Variants in SCARA5 observed in about 807,000 individuals in gnomAD.
The protein encoded by SCARA5 is scavenger receptor class A, member 5 (putative).
A neutral mutation model predicts 46.3 loss-of-function variants in SCARA5; 45 were observed. The observed-to-expected ratio is 0.97, with a 90% CI of 0.76 to 1.24. The LOEUF is 1.24. Ranked by LOEUF, SCARA5 falls within the 50% of genes most tolerant of loss-of-function variation. The pLI is 0.00. For synonymous variants in SCARA5, 333 were observed against 306.5 expected (o/e 1.09, Z -0.90); for missense variants, 680 against 689.0 (o/e 0.99, Z 0.15).
At chr8:27,938,218 G>A (rs1223288807) in intron 3 of SCARA5, among the ~76,000 whole-genome samples, 1 of 152,208 alleles carries the variant, frequency 6.6e-6, no homozygotes, top group Admixed American at 6.5e-5. Flanking sequence ...GCTAACACAC[G>A]TGCAGGGTCT....
At chr8:27,949,778 C>T (rs1045465915) in intron 3 of SCARA5, among the ~76,000 whole-genome samples, 7 of 152,310 alleles carry the variant, frequency 4.6e-5, no homozygotes, top group African/African-American at 1.7e-4. Context: ...CTGAGTCCTC[C>T]CCTACAGCCT....
intron 3 of SCARA5, 138 bp from the exon 4 acceptor site, chr8:27,922,383 TGAGCGC>T: frequency 3.4e-6 from 2 of 591,236 alleles, no homozygotes; most frequent in Non-Finnish European, 5.6e-6. Context: ...GGTGGTGTGC[TGAGCGC>T]TTTACTAGAT....
Position 27,921,618 on chromosome 8 carries a change from T to C in SCARA5, c.869A>G (p.Lys290Arg). ...CAGTGCGATGGAGTGCTCCCAGTCC[T>C]TGAGGCGCAGGTCCTCGGTGACCGC... ...LNAVTEDLRL[K>R]DWEHSIALRN... Residue 290 changes from lysine (K) to arginine (R), a missense_variant, in exon 4 of 9, where the codon AAG (lysine) becomes AGG (arginine). Transcript: ENST00000354914. 2 of 1,595,310 alleles carry C rather than the reference T, an allele frequency of 1.3e-6. No homozygotes were observed. Among genetic ancestry groups the C allele is most frequent in the Non-Finnish European group, 1.7e-6 (2 of 1,169,372 alleles).
chr8:27,938,287 A>G (rs114598258), intron 3 of SCARA5, among the ~76,000 whole-genome samples: 1,575 of 152,302 alleles, frequency 0.01, 24 homozygotes, highest in African/African-American at 0.034. Context: ...GAATATACTT[A>G]TCACTTCTGA....
At chr8:27,897,995 T>C (rs1027259404) in intron 7 of SCARA5, among the ~76,000 whole-genome samples, 3 of 152,230 alleles carry the variant, frequency 2.0e-5, no homozygotes, top group African/African-American at 7.2e-5. Flanking sequence ...ATTTTTTCCC[T>C]GCCAGGGCAC....
intron 2 of SCARA5, among the ~76,000 whole-genome samples, chr8:27,973,179 A>G (rs551982357): frequency 1.4e-4 from 22 of 152,320 alleles, no homozygotes; most frequent in African/African-American, 5.1e-4. Flanking sequence ...TTTTGGTCTG[A>G]AAAAATAAAA....
At chr8:27,943,658 G>T (rs923965675) in intron 3 of SCARA5, among the ~76,000 whole-genome samples, 4 of 152,148 alleles carry the variant, frequency 2.6e-5, no homozygotes, top group Non-Finnish European at 4.4e-5. Flanking sequence ...AGGAAAAGAC[G>T]CACGTAATCA....
chr8:27,905,524 G>GGCGGGGGA (rs201408036), intron 6 of SCARA5, among the ~76,000 whole-genome samples: 1 of 30,960 alleles, frequency 3.2e-5, no homozygotes, highest in Non-Finnish European at 7.1e-5. Context: ...TCCAAGATTT[G>GGCGGGGGA]GGGGGGGGAA....
chr8:27,933,095 T>C (rs908728479), intron 3 of SCARA5, among the ~76,000 whole-genome samples: 1 of 152,228 alleles, frequency 6.6e-6, no homozygotes, highest in Non-Finnish European at 1.5e-5. Context: ...GTTCAGCCCA[T>C]AGCAGGGTCC....
At chr8:27,951,500 C>T (rs1808127048) in intron 3 of SCARA5, among the ~76,000 whole-genome samples, 1 of 152,232 alleles carries the variant, frequency 6.6e-6, no homozygotes, top group Admixed American at 6.5e-5. Context: ...GGTCAGGCCC[C>T]CGAGGCTCAC....
At chr8:27,878,258 C>T (rs1033278939) in intron 8 of SCARA5, among the ~76,000 whole-genome samples, 2 of 152,180 alleles carry the variant, frequency 1.3e-5, no homozygotes, top group Admixed American at 6.5e-5. Context: ...GGCTGGGAGA[C>T]CCATTATGCA....
chr8:27,963,805 G>C (rs1808325192), intron 3 of SCARA5, among the ~76,000 whole-genome samples: 1 of 152,144 alleles, frequency 6.6e-6, no homozygotes, highest in Admixed American at 6.5e-5. Flanking sequence ...GTAAGCATTT[G>C]CACACCGAGA....
intron 4 of SCARA5, among the ~76,000 whole-genome samples, chr8:27,913,094 G>A (rs1168851940): frequency 5.9e-5 from 9 of 152,174 alleles, no homozygotes; most frequent in Non-Finnish European, 1.2e-4. Flanking sequence ...TATTCCAAGC[G>A]CACCTGAAAT....
intron 7 of SCARA5, among the ~76,000 whole-genome samples, chr8:27,888,646 A>G (rs976677267): frequency 3.3e-5 from 5 of 152,164 alleles, no homozygotes; most frequent in African/African-American, 9.7e-5. Context: ...GCTTCCTCCC[A>G]CTGCACAACT....
chr8:27,898,033 G>A (rs1024125527), intron 7 of SCARA5, among the ~76,000 whole-genome samples: 2 of 152,140 alleles, frequency 1.3e-5, no homozygotes, highest in Non-Finnish European at 2.9e-5. Context: ...CTCTCCCTCT[G>A]GCCAGGGATG....
At chr8:27,989,435 C>G (rs1414444532) in intron 1 of SCARA5, among the ~76,000 whole-genome samples, 1 of 152,122 alleles carries the variant, frequency 6.6e-6, no homozygotes, top group Non-Finnish European at 1.5e-5. Flanking sequence ...GCTGAAGCCC[C>G]TATTTTCATG....
intron 3 of SCARA5, among the ~76,000 whole-genome samples, chr8:27,937,565 C>G (rs1395537541): frequency 6.6e-6 from 1 of 152,200 alleles, no homozygotes; most frequent in Non-Finnish European, 1.5e-5. Flanking sequence ...CCCTTCTCAC[C>G]AAGAACTTCC....
At chr8:27,968,929 C>T (rs763684495) in intron 2 of SCARA5, among the ~76,000 whole-genome samples, 30 of 152,328 alleles carry the variant, frequency 2.0e-4, no homozygotes, top group African/African-American at 3.4e-4. Flanking sequence ...TCAACCAACA[C>T]GCAGAACACA....
At chr8:27,953,155 T>A (rs1335438771) in intron 3 of SCARA5, among the ~76,000 whole-genome samples, 4 of 152,056 alleles carry the variant, frequency 2.6e-5, no homozygotes, top group Non-Finnish European at 5.9e-5. Flanking sequence ...AATGGAAGCA[T>A]GAGGGAACCC....
Sources: allele counts gnomAD v4.1 joint callset (sites outside exome capture counted in the v4.1 genomes callset), GRCh38; gene constraint gnomAD v4.1.1; transcripts MANE v1.5; gene names NCBI Gene and HGNC (gene_info 2026-07-23, HGNC 2026-07-21).